The following SRP19 variants were observed in gnomAD, a reference collection of about 807,000 sequenced individuals.
SRP19 encodes signal recognition particle 19 kDa protein.
A neutral mutation model predicts 22.4 loss-of-function variants in SRP19; 11 were observed. The observed-to-expected ratio is 0.49, with a 90% CI of 0.31 to 0.81. The LOEUF (loss-of-function observed/expected upper bound fraction) is 0.81. Ranked by LOEUF, SRP19 falls within the 40% of genes least tolerant of loss-of-function variation. The probability of loss-of-function intolerance (pLI) is 0.05; values close to 1 mark genes in which losing one functional copy is unlikely to be tolerated. For missense variants in SRP19, 168 were observed against 175.9 expected, an observed-to-expected ratio of 0.96 and a Z score of 0.25; for synonymous variants, 61 against 57.6, an observed-to-expected ratio of 1.06 and a Z score of -0.27.
Position 112,864,717 on chromosome 5 carries a change from G to T in SRP19, c.286G>T (p.Val96Leu). 6.2e-7 allele frequency: 1 copy of T among 1,613,208 alleles called. No homozygotes were observed. The highest frequency in any genetic ancestry group is 1.3e-5 in the African/African-American group (1 of 75,014). ...LKQEDGSLCL[V>L]QFPSRKSVML... ...ACAGGAAGATGGGAGCCTCTGCCTT[G>T]TACAGTTCCCATCACGTAAGCTTGT... Residue 96 changes from valine (V) to leucine (L), a missense_variant, in exon 4 of 5, where the codon GTA becomes TTA. Coordinates refer to ENST00000505459, the MANE Select transcript of SRP19 (RefSeq NM_003135.3).
chr5:112,864,225 C>T (rs142934868), intron 2 of SRP19, among the ~76,000 whole-genome samples: 20 of 152,206 alleles, frequency 1.3e-4, no homozygotes, highest in Non-Finnish European at 2.9e-4. Flanking sequence ...AAAACAAAGC[C>T]CCTGCCCTCA....
intron 1 of SRP19, 108 bp from the exon 2 acceptor site, chr5:112,862,400 A>G: frequency 1.1e-6 from 1 of 891,242 alleles, no homozygotes. Context: ...GGGAGTACCC[A>G]TCTGATATCT....
chr5:112,881,423 A>G (rs1012865238), intron 4 of SRP19, among the ~76,000 whole-genome samples: 1 of 152,264 alleles, frequency 6.6e-6, no homozygotes, highest in South Asian at 2.1e-4. Flanking sequence ...AATTTCTAAA[A>G]TCTGAGTCCC....
At chr5:112,891,611 T>C (rs1768450591) in exon 5 of SRP19, 5 of 1,574,190 alleles carry the variant, frequency 3.2e-6, no homozygotes, top group Middle Eastern at 1.7e-4. Context: ...AGGTTAAGAA[T>C]GTCTGAGGGG....
chr5:112,891,997 C>A, exon 5 of SRP19: 2 of 1,268,624 alleles, frequency 1.6e-6, no homozygotes, highest in Non-Finnish European at 1.2e-6. Context: ...GAAAGAACAG[C>A]AGAGGAAAGA....
At chr5:112,883,595 C>T (rs980174602) in intron 4 of SRP19, among the ~76,000 whole-genome samples, 1 of 152,176 alleles carries the variant, frequency 6.6e-6, no homozygotes, top group East Asian at 1.9e-4. Context: ...ACACTACCTT[C>T]GTGATCTCAT....
chr5:112,864,476 C>T lies in SRP19; in HGVS notation c.137C>T (p.Ala46Val). ...PISKAVENPTATEIQDVCSAV... is the reference protein window; with the variant it reads ...PISKAVENPTVTEIQDVCSAV... ...GTTCAGGCTGTTGAAAATCCTACAG[C>T]TACAGAGATTCAAGATGTATGTTCA... Residue 46 changes from alanine (A) to valine (V), a missense_variant, in exon 3 of 5, where the codon GCT becomes GTT. By Grantham distance (64) the Ala-to-Val change is moderately conservative. Coordinates refer to ENST00000505459, the MANE Select transcript of SRP19 (RefSeq NM_003135.3). 6.2e-7 allele frequency: 1 copy of T among 1,613,626 alleles called. No individual in the cohort carries two copies. Among genetic ancestry groups the T allele is most frequent in the East Asian group, 2.2e-5 (1 of 44,864 alleles).
In SRP19 at chr5:112,883,207, A is replaced by G. The variant is rs188606206; in HGVS notation, c.302-8396A>G. ...ATTCTTCTGCTCTCCTTTGCAGGAA[A>G]TTTCTCAAAAGAAAGATCTATATTC... On this transcript the variant is annotated intron_variant, in intron 4 of 4. Transcript: ENST00000391338. Among the ~76,000 whole-genome samples, 41 of 152,280 alleles carry G rather than the reference A, an allele frequency of 2.7e-4. No individual in the cohort carries two copies. In the East Asian group the frequency reaches 7.3e-3, roughly 27 times the overall value.
Position 112,867,770 on chromosome 5 carries a change from T to G in SRP19, c.*233T>G, listed in dbSNP as rs1767656744. 8.1e-7 allele frequency: 1 copy of G among 1,232,638 alleles called. No homozygotes were observed. Among genetic ancestry groups the G allele is most frequent in the South Asian group, 3.4e-5 (1 of 29,342 alleles). 76.4% of individuals were successfully genotyped at this position (1,232,638 alleles called of 1,614,324 possible). On this transcript the variant is annotated 3_prime_UTR_variant, in exon 5 of 5. Transcript: ENST00000505459. ...TTTTTTGTCTTTCAATGCAGTTTTT[T>G]GGAAGAAAATATTTTTAAATGGACA...
At chr5:112,879,546 T>C (rs1768005848) in intron 4 of SRP19, among the ~76,000 whole-genome samples, 2 of 152,194 alleles carry the variant, frequency 1.3e-5, no homozygotes, top group Non-Finnish European at 2.9e-5. Flanking sequence ...CGATCTCGGC[T>C]CACTACAGGC....
rs561048448 is a variant in SRP19, at chr5:112,863,243, T to G, written c.117+660T>G. 3.7e-4 allele frequency among the ~76,000 whole-genome samples: 56 copies of G among 152,320 alleles called. 1 individual carries two copies. The highest frequency in any genetic ancestry group is 1.3e-3 in the African/African-American group (53 of 41,574). On this transcript the variant is annotated intron_variant, in intron 2 of 4. Coordinates refer to ENST00000505459, the MANE Select transcript of SRP19 (RefSeq NM_003135.3). The stretch of plus-strand genomic sequence containing the variant: ...TAGATTACTTTTGCTGCTTTTTCAG[T>G]TTTCTGTAAATGGAATTACACACTA...
downstream of SRP19, among the ~76,000 whole-genome samples, chr5:112,872,921 G>A (rs764732360): frequency 7.2e-6 from 1 of 138,740 alleles, no homozygotes; most frequent in African/African-American, 2.5e-5. Flanking sequence ...TTGTTTGGCT[G>A]GATATAGAAT....
At chr5:112,881,627 C>T (rs918894334) in intron 4 of SRP19, among the ~76,000 whole-genome samples, 3 of 152,148 alleles carry the variant, frequency 2.0e-5, no homozygotes, top group African/African-American at 4.8e-5. Context: ...TTCTTCATTG[C>T]CACTTTCAGA....
chr5:112,879,679 T>A (rs1768010674), intron 4 of SRP19, among the ~76,000 whole-genome samples: 1 of 152,008 alleles, frequency 6.6e-6, no homozygotes, highest in Admixed American at 6.5e-5. Flanking sequence ...GGTTTCACTG[T>A]GTTAGCCAGG....
exon 5 of SRP19, chr5:112,891,693 A>G (rs1365348007): frequency 6.2e-7 from 1 of 1,613,936 alleles, no homozygotes; most frequent in Admixed American, 1.7e-5. Context: ...TTCCAGAGAA[A>G]CCAAGCCACA....
chr5:112,891,132 GCA>G (rs1204040387), intron 4 of SRP19, among the ~76,000 whole-genome samples: 3 of 151,524 alleles, frequency 2.0e-5, no homozygotes, highest in Non-Finnish European at 2.9e-5. Flanking sequence ...GAGTGTAGTG[GCA>G]CAGTCTTGGC....
chr5:112,882,517 G>T (rs1026281422), intron 4 of SRP19, among the ~76,000 whole-genome samples: 1 of 152,192 alleles, frequency 6.6e-6, no homozygotes, highest in Non-Finnish European at 1.5e-5. Context: ...CCATGTAGCT[G>T]AGTATGGCTG....
In SRP19 at chr5:112,887,264, C is replaced by G. The variant is rs543516148; in HGVS notation, c.302-4339C>G. ...AGAATACACACTGTCTTTCACTACT[C>G]TGGGGATGGGAGATGCCTCTGTTAT... On this transcript the variant is annotated intron_variant, in intron 4 of 4. Coordinates refer to the SRP19 transcript ENST00000391338. 8.1e-5 allele frequency: 105 copies of G among 1,289,574 alleles called. No homozygotes were observed. In the African/African-American group the frequency reaches 1.5e-3, roughly 18 times the overall value. The allele number at this position is 1,289,574 out of a possible 1,614,324, so 79.9% of individuals were successfully genotyped here.
chr5:112,897,146 GAC>G (rs1331422972), downstream of SRP19: 4 of 151,970 alleles, frequency 2.6e-5, no homozygotes, highest in African/African-American at 4.8e-5. Context: ...AAAAAAGCAA[GAC>G]ACAGAATTAT....
Sources: allele counts gnomAD v4.1 joint callset (sites outside exome capture counted in the v4.1 genomes callset), GRCh38; gene constraint gnomAD v4.1.1; transcripts MANE v1.5; gene names NCBI Gene and HGNC (gene_info 2026-07-23, HGNC 2026-07-21).